CYP7B1: variants seen among roughly 807,000 people sequenced by gnomAD.
The protein encoded by CYP7B1 is cytochrome P450 7B1.
CYP7B1 carries 29 observed loss-of-function variants against 42.7 expected under a neutral mutation model. The ratio of observed to expected loss-of-function variants is 0.68; its 90% CI spans 0.51 to 0.93. The LOEUF (loss-of-function observed/expected upper bound fraction) is 0.93, where lower values mean the gene tolerates loss of function less well. Ranked by LOEUF, CYP7B1 falls within the 40% of genes least tolerant of loss-of-function variation. CYP7B1 has a pLI of 0.00. For missense variants in CYP7B1, 655 were observed against 600.5 expected (o/e 1.09, Z -0.95); for synonymous variants, 235 against 218.2 (o/e 1.08, Z -0.68).
In CYP7B1 at chr8:64,593,028, C is replaced by T. The variant is rs1805059570; in HGVS notation, c.*3614G>A. On this transcript the variant is annotated 3_prime_UTR_variant, in exon 6 of 6. Transcript: ENST00000310193. ...TATCCTTACTTTCCATTTCTAAATT[C>T]CTGTACACATTTCCAGTTATAAAAT... Among the ~76,000 whole-genome samples, 1 of 152,056 alleles carries T rather than the reference C, an allele frequency of 6.6e-6. No individual in the cohort carries two copies. Among genetic ancestry groups the T allele is most frequent in the African/African-American group, 2.4e-5 (1 of 41,390 alleles).
chr8:64,641,092 A>T (rs1805848351), intron 1 of CYP7B1, among the ~76,000 whole-genome samples: 1 of 152,184 alleles, frequency 6.6e-6, no homozygotes, highest in African/African-American at 2.4e-5. Flanking sequence ...TACGAACAAA[A>T]ATCTAATTTC....
intron 1 of CYP7B1, among the ~76,000 whole-genome samples, chr8:64,720,292 T>C (rs1444875059): frequency 1.3e-5 from 2 of 152,164 alleles, no homozygotes; most frequent in South Asian, 2.1e-4. Context: ...ACTTATAACT[T>C]TGAAGTTGAA....
At chr8:64,666,722 T>G (rs1806285413) in intron 1 of CYP7B1, among the ~76,000 whole-genome samples, 1 of 152,222 alleles carries the variant, frequency 6.6e-6, no homozygotes, top group Admixed American at 6.5e-5. Context: ...TTTGGATTTT[T>G]CCTCTTCAAC....
intron 2 of CYP7B1, among the ~76,000 whole-genome samples, chr8:64,623,235 A>G (rs2129630401): frequency 6.6e-6 from 1 of 152,296 alleles, no homozygotes; most frequent in East Asian, 1.9e-4. Context: ...TTGATTCTGG[A>G]CTGCACTGTG....
chr8:64,664,967 T>A (rs1806253473), intron 1 of CYP7B1, among the ~76,000 whole-genome samples: 1 of 152,158 alleles, frequency 6.6e-6, no homozygotes, highest in Admixed American at 6.5e-5. Context: ...CCCACTAGCA[T>A]CATCATAAAA....
At chr8:64,639,952 GAA>G (rs762681973) in intron 1 of CYP7B1, among the ~76,000 whole-genome samples, 1 of 151,910 alleles carries the variant, frequency 6.6e-6, no homozygotes, top group Non-Finnish European at 1.5e-5. Flanking sequence ...AAATGAACTG[GAA>G]AAGAAAAGAA....
chr8:64,592,971 C>T lies in CYP7B1; in HGVS notation c.*3671G>A, dbSNP rs947914475. On this transcript the variant is annotated 3_prime_UTR_variant, in exon 6 of 6. Transcript: ENST00000310193. The stretch of plus-strand genomic sequence containing the variant: ...TTTGTTTTGGTTCTACTATTCATTC[C>T]TTTTATGTCATCTTTTCTCAACCAT... Among the ~76,000 whole-genome samples, 1 of 152,126 alleles carries T rather than the reference C, an allele frequency of 6.6e-6. No homozygotes were observed. Among genetic ancestry groups the T allele is most frequent in the African/African-American group, 2.4e-5 (1 of 41,436 alleles).
At chr8:64,686,372 T>A (rs1806645172) in intron 1 of CYP7B1, among the ~76,000 whole-genome samples, 1 of 30,500 alleles carries the variant, frequency 3.3e-5, no homozygotes, top group African/African-American at 1.6e-4. Flanking sequence ...GGAGCCCCTC[T>A]GCCCGGCCAG....
chr8:64,618,668 G>C (rs1805484804), intron 2 of CYP7B1, among the ~76,000 whole-genome samples: 1 of 150,348 alleles, frequency 6.7e-6, no homozygotes, highest in South Asian at 2.1e-4. Flanking sequence ...TGGGAATAAG[G>C]GTATGGGAAA....
rs528523484 is a variant in CYP7B1, at chr8:64,747,051, T to C, written c.122+51415A>G. On this transcript the variant is annotated intron_variant, in intron 1 of 5. Transcript: ENST00000310193. ...TAAGCTATGTCAATATGAATTTGAA[T>C]TGATAAATTAACATAAATTATAAAT... is the stretch of plus-strand genomic sequence containing the variant. 4.6e-5 allele frequency among the ~76,000 whole-genome samples: 7 copies of C among 151,318 alleles called. No individual in the cohort carries two copies. In the East Asian group the frequency reaches 1.2e-3, roughly 25 times the overall value.
intron 1 of CYP7B1, among the ~76,000 whole-genome samples, chr8:64,776,189 T>C (rs977038514): frequency 3.9e-5 from 6 of 152,258 alleles, no homozygotes; most frequent in African/African-American, 1.4e-4. Flanking sequence ...ATCTTACCAA[T>C]GTTTCACAGA....
chr8:64,782,291 G>C (rs753062770), intron 1 of CYP7B1, among the ~76,000 whole-genome samples: 6 of 152,186 alleles, frequency 3.9e-5, no homozygotes, highest in Non-Finnish European at 8.8e-5. Flanking sequence ...GATGGTAACA[G>C]AAGGTGGGGC....
intron 1 of CYP7B1, among the ~76,000 whole-genome samples, chr8:64,719,395 A>G (rs1243974739): frequency 6.6e-6 from 1 of 152,258 alleles, no homozygotes; most frequent in African/African-American, 2.4e-5. Flanking sequence ...GTCTGTCAAG[A>G]TATTAACAAT....
chr8:64,652,941 T>C (rs1563378169), intron 1 of CYP7B1, among the ~76,000 whole-genome samples: 1 of 152,176 alleles, frequency 6.6e-6, no homozygotes, highest in Non-Finnish European at 1.5e-5. Context: ...AAGAAGTTCT[T>C]TGAAACTAAT....
chr8:64,710,751 A>G (rs567649368), intron 1 of CYP7B1, among the ~76,000 whole-genome samples: 19 of 151,422 alleles, frequency 1.3e-4, no homozygotes, highest in African/African-American at 4.6e-4. Flanking sequence ...AACACCTTGT[A>G]AAATATAAAT....
chr8:64,737,239 A>T (rs559222837), intron 1 of CYP7B1, among the ~76,000 whole-genome samples: 2 of 152,192 alleles, frequency 1.3e-5, no homozygotes, highest in Non-Finnish European at 2.9e-5. Context: ...AGTAATTGGA[A>T]CTACAGGCAT....
intron 1 of CYP7B1, among the ~76,000 whole-genome samples, chr8:64,669,887 A>G (rs1216388489): frequency 6.6e-6 from 1 of 152,212 alleles, no homozygotes; most frequent in Non-Finnish European, 1.5e-5. Context: ...AACAGGTATC[A>G]TTTCATTCAA....
intron 1 of CYP7B1, among the ~76,000 whole-genome samples, chr8:64,641,296 A>G (rs1291524056): frequency 6.6e-6 from 1 of 152,200 alleles, no homozygotes; most frequent in Non-Finnish European, 1.5e-5. Context: ...ATTGACTTAC[A>G]TCAAATCCTA....
chr8:64,608,576 T>C (rs538883591), intron 4 of CYP7B1, among the ~76,000 whole-genome samples: 1 of 151,808 alleles, frequency 6.6e-6, no homozygotes, highest in South Asian at 2.1e-4. Flanking sequence ...GGCTGAACAC[T>C]GGGTGATCTT....
Sources: gnomAD v4.1 joint callset for allele counts (sites outside exome capture counted in the v4.1 genomes callset) on GRCh38, gnomAD v4.1.1 for gene constraint, MANE v1.5 for transcripts, NCBI Gene and HGNC (gene_info 2026-07-23, HGNC 2026-07-21) for gene names.